LSM14A: variants seen among roughly 807,000 people sequenced by gnomAD.
The protein encoded by LSM14A is protein LSM14 homolog A.
LSM14A carries 14 observed loss-of-function variants against 52.4 expected under a neutral mutation model. That is an observed-to-expected ratio of 0.27 (90% confidence interval 0.18 to 0.42). LSM14A has a LOEUF of 0.42. Ranked by LOEUF, LSM14A falls within the 10% of genes least tolerant of loss-of-function variation. The pLI, the probability that LSM14A is intolerant of heterozygous loss-of-function variation, is 1.00. For synonymous variants in LSM14A, 185 were observed against 200.3 expected, an observed-to-expected ratio of 0.92 and a Z score of 0.64; for missense variants, 417 against 581.8, an observed-to-expected ratio of 0.72 and a Z score of 2.91.
intron 3 of LSM14A, among the ~76,000 whole-genome samples, chr19:34,202,167 TTTTTGTTTTG>T (rs541306081): frequency 6.0e-4 from 88 of 147,892 alleles, no homozygotes; most frequent in African/African-American, 2.0e-3. Flanking sequence ...GTTGGTTTGG[TTTTTGTTTTG>T]TTTTGTTTTG....
intron 1 of LSM14A, among the ~76,000 whole-genome samples, chr19:34,192,319 GTTTTTTT>G (rs71165632): frequency 9.4e-5 from 5 of 53,410 alleles, no homozygotes; most frequent in Admixed American, 5.8e-4. Context: ...TCTTTTTGTT[GTTTTTTT>G]TTTTTTTTTT....
At chr19:34,213,581 T>A (rs867000419) in intron 4 of LSM14A, among the ~76,000 whole-genome samples, 1 of 152,130 alleles carries the variant, frequency 6.6e-6, no homozygotes, top group Admixed American at 6.6e-5. Context: ...AAATGAGCAT[T>A]TTTTTTAAGC....
chr19:34,213,149 C>G lies in LSM14A; in HGVS notation c.539-1975C>G, dbSNP rs1408369492. Among the ~76,000 whole-genome samples the G allele has an allele frequency of 2.7e-5, 4 of 147,598 alleles. No individual in the cohort carries two copies. In the South Asian group the frequency reaches 8.3e-4, roughly 31 times the overall value. On this transcript the variant is annotated intron_variant, in intron 4 of 9. Coordinates refer to ENST00000544216, the MANE Select transcript of LSM14A (RefSeq NM_015578.4). ...CAGAGCAACAGAACAAGACCCTATC[C>G]TGTCCCTAAAAAACAAAAAACAAAA... is the stretch of plus-strand genomic sequence containing the variant.
chr19:34,208,977 C>G lies in LSM14A; in HGVS notation c.464C>G (p.Thr155Ser). The change falls in exon 4 of 10, where the codon ACC (threonine) becomes AGC (serine). Residue 155 changes from threonine to serine, a missense_variant. Thr to Ser is a moderately conservative substitution (Grantham distance 58). Around this residue, in one of 2 missense-constraint regions of LSM14A, gnomAD observed 357 missense variants for 457.0 expected, o/e 0.78. Coordinates refer to ENST00000544216, the MANE Select transcript of LSM14A (RefSeq NM_015578.4). ...SFGTETSNSG[T>S]LPQSSAVGSA... Reference sequence around the variant, plus strand: ...GGAACAGAAACATCAAACAGTGGTACCTTACCCCAAAGTAGTGCGGTTGGT... The same window carrying G: ...GGAACAGAAACATCAAACAGTGGTAGCTTACCCCAAAGTAGTGCGGTTGGT... 6.2e-7 allele frequency: 1 copy of G among 1,611,530 alleles called. No individual in the cohort carries two copies. Among genetic ancestry groups the G allele is most frequent in the Non-Finnish European group, 8.5e-7 (1 of 1,178,320 alleles).
chr19:34,181,360 G>A (rs549050390), intron 1 of LSM14A, among the ~76,000 whole-genome samples: 81 of 152,110 alleles, frequency 5.3e-4, no homozygotes, highest in Non-Finnish European at 6.0e-4. Flanking sequence ...CCTTTATAGC[G>A]AAACCCCTTG....
intron 9 of LSM14A, 110 bp downstream of exon 9, chr19:34,221,848 A>G: frequency 1.4e-6 from 2 of 1,454,436 alleles, no homozygotes; most frequent in Non-Finnish European, 1.8e-6. Flanking sequence ...CATTAGAATA[A>G]CTTCCATTTT....
chr19:34,216,606 C>T (rs964532207), intron 6 of LSM14A, among the ~76,000 whole-genome samples: 17 of 152,012 alleles, frequency 1.1e-4, no homozygotes, highest in African/African-American at 3.9e-4. Flanking sequence ...ATTACAGCCG[C>T]GTGCCACCAT....
chr19:34,194,350 A>G (rs927041698), intron 1 of LSM14A, 128 bp from the exon 2 acceptor site: 13 of 906,928 alleles, frequency 1.4e-5, no homozygotes, highest in Non-Finnish European at 2.0e-5. Context: ...TTAGCTATAG[A>G]TTAATGAATA....
intron 9 of LSM14A, chr19:34,226,370 T>G: frequency 6.9e-7 from 1 of 1,454,990 alleles, no homozygotes; most frequent in Non-Finnish European, 9.1e-7. Context: ...TCCCCATCTC[T>G]TTCTCTTTTT....
chr19:34,219,608 TA>T, intron 7 of LSM14A, 35 bp downstream of exon 7: 1 of 1,587,832 alleles, frequency 6.3e-7, no homozygotes, highest in Non-Finnish European at 8.6e-7. Flanking sequence ...AAAATAATCT[TA>T]TTTGATCTGT....
At chr19:34,215,968 C>G (rs1409206566) in intron 6 of LSM14A, among the ~76,000 whole-genome samples, 2 of 151,934 alleles carry the variant, frequency 1.3e-5, no homozygotes, top group Non-Finnish European at 2.9e-5. Flanking sequence ...GTGCCTGTGT[C>G]GGTTTCTTGG....
At position 34,215,510 on chromosome 19, in the gene LSM14A, G is replaced by GGTTT. The variant is rs956371376; in HGVS notation, c.716-76_716-73dup. The GGTTT allele has an allele frequency of 6.3e-6, 8 of 1,267,698 alleles. No homozygotes were observed. The East Asian group carries it at 1.2e-4, about 18-fold the overall frequency. The allele number at this position is 1,267,698 out of a possible 1,614,324, so 78.5% of individuals were successfully genotyped here. On this transcript the variant is annotated intron_variant, in intron 5 of 9. Transcript: ENST00000544216. ...GCACAGGCTTTGTTTTGGGTTTTTTGGTTTGTTTGTTTGCATTTCTAACTA... is the reference window on the plus strand; with the variant it reads ...GCACAGGCTTTGTTTTGGGTTTTTTGGTTTGTTTGTTTGTTTGCATTTCTAACTA...
chr19:34,178,355 AG>A (rs2145483568), intron 1 of LSM14A, among the ~76,000 whole-genome samples: 1 of 152,288 alleles, frequency 6.6e-6, no homozygotes, highest in East Asian at 1.9e-4. Flanking sequence ...GGTAAGTTTG[AG>A]GGGCTTTGAT....
Position 34,215,157 on chromosome 19 carries a change from A to G in LSM14A, c.572A>G (p.Lys191Arg), listed in dbSNP as rs767965628. ...RSSPQLDPLR[K>R]SPTMEQAVQT... ...AGCCCTCAGTTAGACCCTTTGAGAA[A>G]AAGCCCAACCATGGAACAAGCAGTG... Residue 191 changes from lysine to arginine, a missense_variant, in exon 5 of 10, where the codon AAA becomes AGA. Coordinates refer to ENST00000544216, the MANE Select transcript of LSM14A (RefSeq NM_015578.4). The G allele has an allele frequency of 2.7e-5, 44 of 1,613,398 alleles. No individual in the cohort carries two copies. The highest frequency in any genetic ancestry group is 3.7e-5 in the Non-Finnish European group (44 of 1,179,912).
chr19:34,205,313 C>T (rs1407532095), intron 3 of LSM14A, among the ~76,000 whole-genome samples: 2 of 150,790 alleles, frequency 1.3e-5, no homozygotes, highest in South Asian at 2.1e-4. Context: ...ATGGTGAAAC[C>T]CCATCTCTAC....
chr19:34,220,961 A>G (rs923451131), intron 8 of LSM14A, among the ~76,000 whole-genome samples: 3 of 152,092 alleles, frequency 2.0e-5, no homozygotes, highest in African/African-American at 7.2e-5. Context: ...TACTATGTTT[A>G]TCAGGTGTAT....
At chr19:34,183,018 G>A (rs1329779763) in intron 1 of LSM14A, among the ~76,000 whole-genome samples, 1 of 151,614 alleles carries the variant, frequency 6.6e-6, no homozygotes, top group Non-Finnish European at 1.5e-5. Context: ...CCTCATGGAT[G>A]CGTTTATCCT....
rs1291835989 is a variant in LSM14A at position 34,174,200 on chromosome 19, C to T, written c.121+1437C>T. 2.6e-5 allele frequency among the ~76,000 whole-genome samples: 4 copies of T among 152,158 alleles called. No homozygotes were observed. In the East Asian group the frequency reaches 5.8e-4, roughly 22 times the overall value. ...CTGACCTCAGGTGATCCACCCGCCTCGGCCACCCAAAGTGCTGGGATTACA... is the reference window on the plus strand; with the variant it reads ...CTGACCTCAGGTGATCCACCCGCCTTGGCCACCCAAAGTGCTGGGATTACA... On this transcript the variant is annotated intron_variant, in intron 1 of 9. Coordinates refer to ENST00000544216, the MANE Select transcript of LSM14A (RefSeq NM_015578.4).
At chr19:34,221,929 G>T in intron 9 of LSM14A, 191 bp downstream of exon 9, 1 of 1,183,158 alleles carries the variant, frequency 8.5e-7, no homozygotes. Flanking sequence ...AGACAGTATA[G>T]TATCACCTTT....
Sources: gnomAD v4.1 joint callset for allele counts (sites outside exome capture counted in the v4.1 genomes callset) on GRCh38, gnomAD v4.1.1 for gene constraint, gnomAD v4.1.1 regional missense constraint, MANE v1.5 for transcripts, NCBI Gene and HGNC (gene_info 2026-07-23, HGNC 2026-07-21) for gene names.